The following RIMS2 variants were observed in gnomAD, a reference collection of about 807,000 sequenced individuals.
RIMS2 encodes the protein regulating synaptic membrane exocytosis protein 2.
In RIMS2, 59 loss-of-function variants were observed where a neutral mutation model predicts 174.4. The observed-to-expected ratio is 0.34, with a 90% CI of 0.27 to 0.42. The LOEUF is 0.42. Ranked by LOEUF, RIMS2 falls within the 10% of genes least tolerant of loss-of-function variation. The pLI, the probability that RIMS2 is intolerant of heterozygous loss-of-function variation, is 1.00. For synonymous variants in RIMS2, 606 were observed against 572.5 expected (o/e 1.06, Z -0.84); for missense variants, 1,620 against 1,666.3 (o/e 0.97, Z 0.48).
intron 3 of RIMS2, among the ~76,000 whole-genome samples, chr8:103,795,539 C>T (rs991367248): frequency 2.0e-5 from 3 of 152,026 alleles, no homozygotes; most frequent in South Asian, 2.1e-4. Context: ...TATAACAAAC[C>T]TGCACGTTGT....
At chr8:103,670,622 C>T (rs2096732571) in intron 1 of RIMS2, among the ~76,000 whole-genome samples, 1 of 152,134 alleles carries the variant, frequency 6.6e-6, no homozygotes, top group Non-Finnish European at 1.5e-5. Flanking sequence ...GTTCAAAGTT[C>T]CACAAATCTC....
chr8:103,618,331 G>A (rs908122806), intron 1 of RIMS2, among the ~76,000 whole-genome samples: 5 of 152,044 alleles, frequency 3.3e-5, no homozygotes, highest in Admixed American at 1.3e-4. Context: ...AATGGGGAGG[G>A]TGGGAGGAGG....
chr8:103,574,763 A>G (rs919399553), intron 1 of RIMS2, among the ~76,000 whole-genome samples: 1 of 152,232 alleles, frequency 6.6e-6, no homozygotes, highest in Non-Finnish European at 1.5e-5. Context: ...GGGAAGAGAA[A>G]TACATTGTTT....
intron 3 of RIMS2, among the ~76,000 whole-genome samples, chr8:103,834,734 T>TTCTC (rs1205745359): frequency 8.2e-6 from 1 of 121,788 alleles, no homozygotes; most frequent in African/African-American, 3.4e-5. Context: ...CTTTCTTTCT[T>TTCTC]TCTTTCTTTC....
At chr8:103,797,800 C>CT (rs879353828) in intron 3 of RIMS2, among the ~76,000 whole-genome samples, 2 of 152,124 alleles carry the variant, frequency 1.3e-5, no homozygotes, top group South Asian at 4.1e-4. Context: ...GAATGTCTTG[C>CT]TTTTTTTCCA....
chr8:104,151,842 C>G lies in RIMS2; in HGVS notation c.3335-93074C>G, dbSNP rs192970975. On this transcript the variant is annotated intron_variant, in intron 19 of 23. Coordinates refer to ENST00000504942, the Ensembl canonical transcript of RIMS2. Reference sequence around the variant, plus strand: ...AAAACAGCAGTAGGCCAAGACAATGCCCTGTGGAAGATTAACATTTTAGAA... The same window carrying G: ...AAAACAGCAGTAGGCCAAGACAATGGCCTGTGGAAGATTAACATTTTAGAA... Among the ~76,000 whole-genome samples the G allele has an allele frequency of 7.9e-5, 12 of 152,084 alleles. No individual in the cohort carries two copies. In the East Asian group the frequency reaches 2.3e-3, roughly 29 times the overall value.
chr8:104,130,916 T>C (rs2098468832), intron 19 of RIMS2, among the ~76,000 whole-genome samples: 1 of 152,124 alleles, frequency 6.6e-6, no homozygotes, highest in Non-Finnish European at 1.5e-5. Flanking sequence ...CTACATATAG[T>C]GATGTATTTC....
chr8:103,633,079 T>C (rs1444018546), intron 1 of RIMS2, among the ~76,000 whole-genome samples: 1 of 147,810 alleles, frequency 6.8e-6, no homozygotes, highest in Non-Finnish European at 1.5e-5. Context: ...CAGGCTGGAG[T>C]GCAGTGGTGC....
intron 19 of RIMS2, among the ~76,000 whole-genome samples, chr8:104,057,538 T>A (rs1597907738): frequency 6.6e-6 from 1 of 152,072 alleles, no homozygotes; most frequent in Non-Finnish European, 1.5e-5. Flanking sequence ...CCAAAATAGT[T>A]TAGATATCAG....
intron 3 of RIMS2, among the ~76,000 whole-genome samples, chr8:103,853,705 T>G (rs1236188285): frequency 6.6e-6 from 1 of 152,148 alleles, no homozygotes; most frequent in East Asian, 1.9e-4. Flanking sequence ...GTATGAGGCT[T>G]TATTTCTGAG....
At chr8:103,673,043 T>C (rs7843928) in intron 1 of RIMS2, among the ~76,000 whole-genome samples, 26,917 of 152,110 alleles carry the variant, frequency 0.18, 2,593 homozygotes, top group African/African-American at 0.24. Flanking sequence ...AGTTTGAAAC[T>C]CAGCAGGGCA....
intron 1 of RIMS2, among the ~76,000 whole-genome samples, chr8:103,639,910 T>C (rs1178670204): frequency 6.6e-6 from 1 of 151,962 alleles, no homozygotes; most frequent in Non-Finnish European, 1.5e-5. Context: ...TTGCCATGTT[T>C]CTATAGATCA....
chr8:103,634,960 T>C (rs930197122), intron 1 of RIMS2, among the ~76,000 whole-genome samples: 1 of 152,200 alleles, frequency 6.6e-6, no homozygotes, highest in African/African-American at 2.4e-5. Flanking sequence ...CATTGGGTCT[T>C]TTTTATCCAG....
At chr8:103,624,083 CACAA>C (rs2134831316) in intron 1 of RIMS2, among the ~76,000 whole-genome samples, 1 of 152,236 alleles carries the variant, frequency 6.6e-6, no homozygotes, top group Non-Finnish European at 1.5e-5. Flanking sequence ...AAGCAAAACC[CACAA>C]ACAAAACCCA....
At chr8:103,732,492 A>G (rs1326468318) in intron 2 of RIMS2, among the ~76,000 whole-genome samples, 1 of 152,204 alleles carries the variant, frequency 6.6e-6, no homozygotes, top group African/African-American at 2.4e-5. Context: ...TACAATCAGC[A>G]GGTGATTAAA....
chr8:103,955,736 G>C (rs566700190), intron 14 of RIMS2, among the ~76,000 whole-genome samples: 3 of 152,256 alleles, frequency 2.0e-5, no homozygotes, highest in African/African-American at 7.2e-5. Flanking sequence ...AGGTAGTATT[G>C]GAAGTTCTGG....
At chr8:104,131,126 C>T (rs1282618145) in intron 19 of RIMS2, among the ~76,000 whole-genome samples, 1 of 152,156 alleles carries the variant, frequency 6.6e-6, no homozygotes, top group Admixed American at 6.5e-5. Context: ...GTAAAATAGA[C>T]ATCATAGTAT....
At chr8:103,764,104 A>G (rs1382758344) in intron 2 of RIMS2, among the ~76,000 whole-genome samples, 1 of 152,162 alleles carries the variant, frequency 6.6e-6, no homozygotes, top group Non-Finnish European at 1.5e-5. Flanking sequence ...TCTCCCAGGG[A>G]TATTCTTTGA....
chr8:103,991,700 G>A (rs2094710161), intron 17 of RIMS2, among the ~76,000 whole-genome samples: 1 of 152,100 alleles, frequency 6.6e-6, no homozygotes, highest in Non-Finnish European at 1.5e-5. Flanking sequence ...AAGAATTGAT[G>A]CACTGGACTA....
Sources: allele counts gnomAD v4.1 joint callset (sites outside exome capture counted in the v4.1 genomes callset), GRCh38; gene constraint gnomAD v4.1.1; transcripts MANE v1.5; gene names NCBI Gene and HGNC (gene_info 2026-07-23, HGNC 2026-07-21).